The following NRCAM variants were observed in gnomAD, a reference collection of about 807,000 sequenced individuals.
The protein encoded by NRCAM is neuronal cell adhesion molecule.
A neutral mutation model predicts 156.5 loss-of-function variants in NRCAM; 83 were observed. That is an observed-to-expected ratio of 0.53 (90% CI 0.44 to 0.64). The LOEUF (loss-of-function observed/expected upper bound fraction) is 0.64. Ranked by LOEUF, NRCAM falls within the 30% of genes least tolerant of loss-of-function variation. The probability of loss-of-function intolerance (pLI) is 0.00; values close to 1 mark genes in which losing one functional copy is unlikely to be tolerated. For synonymous variants in NRCAM, 538 were observed against 563.9 expected (o/e 0.95, Z 0.65); for missense variants, 1,417 against 1,597.3 (o/e 0.89, Z 1.92).
At chr7:108,385,883 C>T (rs186812944) in intron 2 of NRCAM, among the ~76,000 whole-genome samples, 258 of 143,782 alleles carry the variant, frequency 1.8e-3, no homozygotes, top group Non-Finnish European at 2.4e-3. Flanking sequence ...TCTTAAAACA[C>T]CTATCTGTCT....
At chr7:108,447,322 G>A (rs1390077954) in intron 1 of NRCAM, among the ~76,000 whole-genome samples, 3 of 139,126 alleles carry the variant, frequency 2.2e-5, no homozygotes, top group Non-Finnish European at 4.5e-5. Flanking sequence ...CTGGAGTGCA[G>A]TGGCACAATC....
chr7:108,319,088 T>C (rs1432662452), intron 2 of NRCAM, among the ~76,000 whole-genome samples: 1 of 152,196 alleles, frequency 6.6e-6, no homozygotes, highest in African/African-American at 2.4e-5. Context: ...AATATAAATG[T>C]ACTTAATGCT....
intron 3 of NRCAM, among the ~76,000 whole-genome samples, chr7:108,248,620 G>A (rs1324764674): frequency 6.6e-6 from 1 of 152,074 alleles, no homozygotes; most frequent in East Asian, 1.9e-4. Flanking sequence ...ACCTCTGCTC[G>A]AGGCTGACAG....
intron 2 of NRCAM, among the ~76,000 whole-genome samples, chr7:108,343,046 T>C (rs1013053200): frequency 1.3e-5 from 2 of 152,340 alleles, no homozygotes. Flanking sequence ...GGGGACCTTT[T>C]AGAGGTTCCC....
intron 2 of NRCAM, chr7:108,328,421 C>T (rs976004066): frequency 6.6e-6 from 1 of 152,162 alleles, no homozygotes; most frequent in African/African-American, 2.4e-5. Flanking sequence ...CAGATATTAC[C>T]TTACAAATGA....
rs150058057 is a variant in NRCAM, at chr7:108,429,103, T to A, written c.-332+27140A>T. On this transcript the variant is annotated intron_variant, in intron 1 of 32. Coordinates refer to ENST00000379028, the MANE Select transcript of NRCAM (RefSeq NM_001037132.4). ...TATATATGTCCTTAATTGACAACAT[T>A]TAATTTTTAAAAATTTAAATTGCAA... Among the ~76,000 whole-genome samples the A allele has an allele frequency of 7.5e-3, 1,148 of 152,366 alleles. 8 individuals carry two copies. Among genetic ancestry groups the A allele is most frequent in the Middle Eastern group, 0.027 (8 of 294 alleles).
chr7:108,446,902 A>AT (rs527781350), intron 1 of NRCAM, among the ~76,000 whole-genome samples: 338 of 150,374 alleles, frequency 2.2e-3, no homozygotes, highest in African/African-American at 7.0e-3. Context: ...TCATTTTTGC[A>AT]TTTTTTTAGT....
At chr7:108,169,822 T>A (rs1019752631) in intron 28 of NRCAM, among the ~76,000 whole-genome samples, 1 of 152,136 alleles carries the variant, frequency 6.6e-6, no homozygotes, top group Non-Finnish European at 1.5e-5. Flanking sequence ...TCTTAAAAAA[T>A]TTTGGAATAT....
chr7:108,315,150 C>T (rs1336025060), intron 2 of NRCAM, among the ~76,000 whole-genome samples: 1 of 152,086 alleles, frequency 6.6e-6, no homozygotes, highest in East Asian at 1.9e-4. Flanking sequence ...GTGCAACATG[C>T]AAAACTGTTC....
At chr7:108,323,404 G>A (rs914324406) in intron 2 of NRCAM, among the ~76,000 whole-genome samples, 2 of 152,086 alleles carry the variant, frequency 1.3e-5, no homozygotes, top group Non-Finnish European at 2.9e-5. Context: ...GGCATCCAAG[G>A]CCTATCCTTC....
In NRCAM at chr7:108,166,987, C is replaced by T. The variant is rs1172687895; in HGVS notation, c.3400G>A (p.Val1134Ile). ...GAGTCCCCCACAGCACCAACTCGAA[C>T]TTTGTATGCTGTTCCTGGCATTAGA... The part of the protein sequence containing the change: ...KGLMPGTAYK[V>I]RVGAVGDSGF... Residue 1134 changes from valine (V) to isoleucine (I), a missense_variant, in exon 30 of 33, where the codon GTT becomes ATT. Around this residue, in one of 2 missense-constraint regions of NRCAM, gnomAD observed 179 missense variants for 260.9 expected, o/e 0.69. Coordinates refer to ENST00000379028, the MANE Select transcript of NRCAM (RefSeq NM_001037132.4). The T allele has an allele frequency of 6.2e-7, 1 of 1,613,966 alleles. No individual in the cohort carries two copies. Among genetic ancestry groups the T allele is most frequent in the Non-Finnish European group, 8.5e-7 (1 of 1,179,860 alleles).
chr7:108,162,968 C>G (rs1286026227), intron 30 of NRCAM, among the ~76,000 whole-genome samples: 2 of 152,076 alleles, frequency 1.3e-5, no homozygotes, highest in Non-Finnish European at 2.9e-5. Context: ...CTGGGACATA[C>G]AAATCCAAGC....
intron 1 of NRCAM, among the ~76,000 whole-genome samples, chr7:108,407,430 ATC>A (rs1270426357): frequency 6.6e-6 from 1 of 152,192 alleles, no homozygotes. Context: ...GTTATATGGA[ATC>A]TGATATATGG....
At chr7:108,256,186 G>A (rs2096652333) in intron 3 of NRCAM, among the ~76,000 whole-genome samples, 1 of 152,164 alleles carries the variant, frequency 6.6e-6, no homozygotes, top group African/African-American at 2.4e-5. Context: ...AATAGAAAAG[G>A]GGGAAATGTG....
chr7:108,444,148 C>T (rs908591526), intron 1 of NRCAM, among the ~76,000 whole-genome samples: 2 of 152,108 alleles, frequency 1.3e-5, no homozygotes, highest in Non-Finnish European at 2.9e-5. Flanking sequence ...GAACTATTTA[C>T]ATAGCATTTA....
At chr7:108,172,983 A>ATT (rs143144704) in intron 28 of NRCAM, among the ~76,000 whole-genome samples, 49 of 118,770 alleles carry the variant, frequency 4.1e-4, no homozygotes, top group African/African-American at 1.6e-3. Context: ...TGAGATGTTG[A>ATT]TTTTTTTTTT....
chr7:108,389,238 G>C (rs928556686), intron 2 of NRCAM, among the ~76,000 whole-genome samples: 4 of 152,144 alleles, frequency 2.6e-5, no homozygotes, highest in African/African-American at 9.7e-5. Context: ...ATTTCGTTGA[G>C]CAGTCGTTTG....
chr7:108,451,385 T>C (rs1850162372), intron 1 of NRCAM, among the ~76,000 whole-genome samples: 1 of 151,416 alleles, frequency 6.6e-6, no homozygotes, highest in Non-Finnish European at 1.5e-5. Context: ...GTACAGCTAC[T>C]ATGGAAAAGA....
At chr7:108,337,673 T>C (rs2099214605) in intron 2 of NRCAM, among the ~76,000 whole-genome samples, 1 of 152,110 alleles carries the variant, frequency 6.6e-6, no homozygotes, top group Non-Finnish European at 1.5e-5. Flanking sequence ...CAAGATTCCA[T>C]TCCTTGGAAT....
Sources: gnomAD v4.1 joint callset for allele counts (sites outside exome capture counted in the v4.1 genomes callset) on GRCh38, gnomAD v4.1.1 for gene constraint, gnomAD v4.1.1 regional missense constraint, MANE v1.5 for transcripts, NCBI Gene and HGNC (gene_info 2026-07-23, HGNC 2026-07-21) for gene names.